The following CDH12 variants were observed in gnomAD, a reference collection of about 807,000 sequenced individuals.
CDH12 encodes the protein cadherin-12.
Under a neutral mutation model 74.1 loss-of-function variants are expected in CDH12, and 41 were observed. That is an observed-to-expected ratio of 0.55 (90% CI 0.43 to 0.72). CDH12 has a LOEUF of 0.72. CDH12 is among the 30% of genes least tolerant of loss of function. CDH12 has a pLI of 0.00. For missense variants in CDH12, 945 were observed against 977.2 expected (o/e 0.97, Z 0.44); for synonymous variants, 399 against 355.0 (o/e 1.12, Z -1.39).
chr5:21,764,086 G>A (rs991423612), intron 12 of CDH12, among the ~76,000 whole-genome samples: 2 of 151,992 alleles, frequency 1.3e-5, no homozygotes, highest in Non-Finnish European at 2.9e-5. Flanking sequence ...AGAAATTTGT[G>A]TGTGGGGGCT....
intron 4 of CDH12, among the ~76,000 whole-genome samples, chr5:22,145,111 C>T (rs1348553954): frequency 6.6e-6 from 1 of 152,040 alleles, no homozygotes; most frequent in Non-Finnish European, 1.5e-5. Flanking sequence ...ATTCTGGGAA[C>T]ATAGAAACTT....
chr5:21,759,228 A>G (rs1045692040), intron 13 of CDH12, among the ~76,000 whole-genome samples: 1 of 152,004 alleles, frequency 6.6e-6, no homozygotes, highest in African/African-American at 2.4e-5. Flanking sequence ...CTTTGCAGGT[A>G]GAATTTTTTA....
chr5:21,842,331 T>G lies in CDH12; in HGVS notation c.647-3A>C, dbSNP rs562603815. On this transcript the variant is annotated splice_region_variant and splice_polypyrimidine_tract_variant and intron_variant, in intron 7 of 14. Transcript: ENST00000382254. ...TGGCAAAGCTGTTCTAATAACACCT[T>G]AAGGGATAAAAGCAATAATGTAAAA... 1.6e-5 allele frequency: 26 copies of G among 1,587,862 alleles called. No individual in the cohort carries two copies. Among genetic ancestry groups the G allele is most frequent in the Non-Finnish European group, 2.2e-5 (26 of 1,165,938 alleles).
chr5:22,764,108 A>G (rs1746374928), intron 1 of CDH12, among the ~76,000 whole-genome samples: 2 of 151,910 alleles, frequency 1.3e-5, no homozygotes, highest in South Asian at 4.1e-4. Flanking sequence ...AATTTTATCT[A>G]ATTAGAAGAC....
chr5:21,761,628 G>T (rs949509527), intron 12 of CDH12, among the ~76,000 whole-genome samples: 1 of 152,044 alleles, frequency 6.6e-6, no homozygotes, highest in Non-Finnish European at 1.5e-5. Flanking sequence ...TATTAAACGT[G>T]AGATTCAGTT....
At chr5:22,741,862 T>C (rs1044452391) in intron 1 of CDH12, among the ~76,000 whole-genome samples, 2 of 152,148 alleles carry the variant, frequency 1.3e-5, no homozygotes, top group African/African-American at 4.8e-5. Context: ...GAATTTCTTA[T>C]GATGAACAAA....
At chr5:22,244,736 AAAGAAAAG>A (rs1264871502) in intron 3 of CDH12, among the ~76,000 whole-genome samples, 12 of 117,922 alleles carry the variant, frequency 1.0e-4, no homozygotes, top group Middle Eastern at 4.0e-3. Flanking sequence ...AAAAAGAAAG[AAAGAAAAG>A]AAAGAAAGAA....
chr5:22,252,547 A>G (rs1396380836), intron 3 of CDH12, among the ~76,000 whole-genome samples: 1 of 152,054 alleles, frequency 6.6e-6, no homozygotes, highest in East Asian at 1.9e-4. Context: ...CCTAAAGTTT[A>G]TACTTTATAT....
intron 5 of CDH12, among the ~76,000 whole-genome samples, chr5:22,024,034 T>C (rs769683991): frequency 1.2e-4 from 19 of 152,288 alleles, no homozygotes; most frequent in Non-Finnish European, 1.8e-4. Flanking sequence ...GGACCATTCA[T>C]GATTTGTAAA....
At chr5:21,975,539 G>A (rs372755206) in intron 5 of CDH12, among the ~76,000 whole-genome samples, 154 bp from the exon 6 acceptor site, 2 of 152,140 alleles carry the variant, frequency 1.3e-5, no homozygotes, top group African/African-American at 2.4e-5. Context: ...CTGTTTTCTC[G>A]TTTTTTATTT....
chr5:22,662,114 A>G (rs1740378430), intron 1 of CDH12, among the ~76,000 whole-genome samples: 1 of 152,128 alleles, frequency 6.6e-6, no homozygotes, highest in Non-Finnish European at 1.5e-5. Flanking sequence ...TGAGGATACT[A>G]CCTAATCATA....
chr5:22,105,029 C>T lies in CDH12; in HGVS notation c.-186-26167G>A, dbSNP rs375152955. 4.6e-5 allele frequency among the ~76,000 whole-genome samples: 7 copies of T among 152,140 alleles called. No individual in the cohort carries two copies. In the East Asian group the frequency reaches 1.4e-3, roughly 30 times the overall value. ...CTTTCCTTGGCTCATACACGATATG[C>T]TCCCTGTGACTTCACATCATCTTTC... is the stretch of plus-strand genomic sequence containing the variant. On this transcript the variant is annotated intron_variant, in intron 4 of 14. Coordinates refer to ENST00000382254, the MANE Select transcript of CDH12 (RefSeq NM_004061.5).
intron 1 of CDH12, among the ~76,000 whole-genome samples, chr5:22,849,092 G>C (rs989970866): frequency 6.6e-6 from 1 of 151,980 alleles, no homozygotes; most frequent in East Asian, 1.9e-4. Flanking sequence ...CCAACCCCAT[G>C]TTCCAGCTGT....
chr5:22,207,237 A>G (rs907820060), intron 4 of CDH12, among the ~76,000 whole-genome samples: 14 of 152,010 alleles, frequency 9.2e-5, no homozygotes, highest in Non-Finnish European at 1.6e-4. Flanking sequence ...AAAAGAAAAA[A>G]AAAAGAAAAA....
At chr5:22,553,671 C>G (rs1167830562) in intron 1 of CDH12, among the ~76,000 whole-genome samples, 1 of 152,108 alleles carries the variant, frequency 6.6e-6, no homozygotes, top group Non-Finnish European at 1.5e-5. Flanking sequence ...GATAGTAAGA[C>G]TAAACACTGA....
At chr5:22,091,030 G>A (rs1743389595) in intron 4 of CDH12, among the ~76,000 whole-genome samples, 1 of 148,546 alleles carries the variant, frequency 6.7e-6, no homozygotes, top group South Asian at 2.1e-4. Flanking sequence ...AAGAAAGGAA[G>A]GTACACTCTC....
intron 1 of CDH12, among the ~76,000 whole-genome samples, chr5:22,815,469 TA>T (rs1384642036): frequency 5.3e-5 from 8 of 152,014 alleles, no homozygotes; most frequent in African/African-American, 1.9e-4. Context: ...TGGAGAGATC[TA>T]TAGAAATAGA....
At chr5:22,500,258 A>G (rs924840133) in intron 2 of CDH12, among the ~76,000 whole-genome samples, 1 of 152,186 alleles carries the variant, frequency 6.6e-6, no homozygotes, top group Non-Finnish European at 1.5e-5. Flanking sequence ...TCAAATATAA[A>G]CAATTAGTAA....
chr5:22,834,470 A>G (rs867922185), intron 1 of CDH12, among the ~76,000 whole-genome samples: 4 of 152,162 alleles, frequency 2.6e-5, no homozygotes, highest in African/African-American at 7.2e-5. Flanking sequence ...CACATTTATT[A>G]TAAAACGATG....
Sources: gnomAD v4.1 joint callset for allele counts (sites outside exome capture counted in the v4.1 genomes callset) on GRCh38, gnomAD v4.1.1 for gene constraint, MANE v1.5 for transcripts, NCBI Gene and HGNC (gene_info 2026-07-23, HGNC 2026-07-21) for gene names.